Variants in CNTLN observed in about 807,000 individuals in gnomAD.
CNTLN encodes the protein centlein, centrosomal protein.
In CNTLN, 212 loss-of-function variants were observed where a neutral mutation model predicts 180.0. That is an observed-to-expected ratio of 1.18 (90% CI 1.05 to 1.32). The LOEUF (loss-of-function observed/expected upper bound fraction) is 1.32. CNTLN is among the 40% of genes most tolerant of loss of function. The pLI is 0.00. For synonymous variants in CNTLN, 722 were observed against 563.1 expected (o/e 1.28, Z -3.99); for missense variants, 2,095 against 1,610.9 (o/e 1.30, Z -5.14).
intron 2 of CNTLN, among the ~76,000 whole-genome samples, chr9:17,211,254 A>C (rs1179047877): frequency 6.6e-6 from 1 of 152,188 alleles, no homozygotes; most frequent in Non-Finnish European, 1.5e-5. Context: ...GAAGGGATCC[A>C]GTTTCAGCTT....
chr9:17,329,743 A>G (rs1415815127), intron 8 of CNTLN, among the ~76,000 whole-genome samples: 5 of 151,678 alleles, frequency 3.3e-5, no homozygotes, highest in Non-Finnish European at 7.4e-5. Context: ...TTTTTCTCAT[A>G]GTACTTAGGA....
intron 2 of CNTLN, among the ~76,000 whole-genome samples, chr9:17,172,625 G>T (rs930536239): frequency 6.6e-6 from 1 of 152,048 alleles, no homozygotes; most frequent in African/African-American, 2.4e-5. Context: ...ATTGTAAAAA[G>T]TTTTAATGCC....
At chr9:17,462,329 A>G (rs1831504542) in intron 19 of CNTLN, among the ~76,000 whole-genome samples, 1 of 151,780 alleles carries the variant, frequency 6.6e-6, no homozygotes. Context: ...CACATGATAC[A>G]TCAACTGTAT....
intron 20 of CNTLN, among the ~76,000 whole-genome samples, chr9:17,463,476 C>A (rs1318488714): frequency 6.6e-6 from 1 of 151,404 alleles, no homozygotes; most frequent in African/African-American, 2.4e-5. Flanking sequence ...ATGCTCTATC[C>A]CACTGAATCA....
At chr9:17,223,762 C>G (rs1244704545) in intron 2 of CNTLN, among the ~76,000 whole-genome samples, 8 of 152,040 alleles carry the variant, frequency 5.3e-5, no homozygotes, top group Non-Finnish European at 1.2e-4. Context: ...TATGTTATTT[C>G]TCTGCTCATT....
chr9:17,383,922 G>A (rs530931423), intron 13 of CNTLN, among the ~76,000 whole-genome samples: 1 of 152,142 alleles, frequency 6.6e-6, no homozygotes, highest in Non-Finnish European at 1.5e-5. Context: ...ACAGGCGTGA[G>A]CCACCTTGCC....
At chr9:17,334,163 T>C (rs1320627911) in intron 10 of CNTLN, among the ~76,000 whole-genome samples, 1 of 152,072 alleles carries the variant, frequency 6.6e-6, no homozygotes, top group African/African-American at 2.4e-5. Context: ...AGGTTCGAGC[T>C]ATTCTTCTGT....
intron 14 of CNTLN, 38 bp downstream of exon 14, chr9:17,388,291 A>T (rs1358401311): frequency 1.0e-5 from 14 of 1,344,876 alleles, no homozygotes; most frequent in Admixed American, 1.8e-5. Flanking sequence ...GAGCAAGTTA[A>T]ATCTGAATTT....
intron 12 of CNTLN, among the ~76,000 whole-genome samples, chr9:17,354,698 G>A (rs1160750603): frequency 1.3e-5 from 2 of 152,064 alleles, no homozygotes; most frequent in Non-Finnish European, 2.9e-5. Flanking sequence ...AGGCCACTTG[G>A]CTCTACCAAT....
intron 5 of CNTLN, among the ~76,000 whole-genome samples, chr9:17,255,751 A>G (rs936359362): frequency 6.6e-6 from 1 of 151,748 alleles, no homozygotes; most frequent in Non-Finnish European, 1.5e-5. Context: ...AATTCTTTAA[A>G]TTTTTGGTAG....
chr9:17,456,592 T>G (rs1441445675), intron 18 of CNTLN, among the ~76,000 whole-genome samples: 1 of 152,190 alleles, frequency 6.6e-6, no homozygotes, highest in African/African-American at 2.4e-5. Context: ...TACTGTACAC[T>G]TTAGCTACAT....
chr9:17,527,055 G>A, the CNTLN span, among the ~76,000 whole-genome samples: 1 of 152,046 alleles, frequency 6.6e-6, no homozygotes, highest in Non-Finnish European at 1.5e-5. Context: ...GCTATTTTCT[G>A]TATTTTTAGT....
intron 2 of CNTLN, among the ~76,000 whole-genome samples, chr9:17,181,160 C>T (rs926765474): frequency 6.6e-6 from 1 of 152,132 alleles, no homozygotes; most frequent in African/African-American, 2.4e-5. Flanking sequence ...TTCTCTTCTA[C>T]CTAGGCTCAG....
At chr9:17,164,994 C>T (rs1299300704) in intron 2 of CNTLN, among the ~76,000 whole-genome samples, 1 of 151,412 alleles carries the variant, frequency 6.6e-6, no homozygotes, top group South Asian at 2.1e-4. Context: ...TGCCATGATG[C>T]CCGGCTAATT....
At chr9:17,270,810 C>CT (rs1005436372) in intron 5 of CNTLN, among the ~76,000 whole-genome samples, 38 of 148,410 alleles carry the variant, frequency 2.6e-4, no homozygotes, top group African/African-American at 9.7e-4. Flanking sequence ...TCTATTTTTT[C>CT]TTTTTTTGAA....
chr9:17,189,370 C>T (rs1189833266), intron 2 of CNTLN, among the ~76,000 whole-genome samples: 2 of 151,832 alleles, frequency 1.3e-5, no homozygotes, highest in African/African-American at 2.4e-5. Flanking sequence ...GCCTGAACCA[C>T]CGTGCCCGGC....
At chr9:17,155,177 C>T (rs566108098) in intron 2 of CNTLN, among the ~76,000 whole-genome samples, 6 of 152,326 alleles carry the variant, frequency 3.9e-5, no homozygotes, top group African/African-American at 1.2e-4. Flanking sequence ...AAACTCTGGA[C>T]ACACCATCTT....
At chr9:17,265,481 A>C (rs933636805) in intron 5 of CNTLN, among the ~76,000 whole-genome samples, 8 of 149,036 alleles carry the variant, frequency 5.4e-5, no homozygotes, top group Non-Finnish European at 8.9e-5. Flanking sequence ...ATGTTCATCA[A>C]GGATATTGGT....
chr9:17,364,617 C>A (rs2133419288), intron 12 of CNTLN, among the ~76,000 whole-genome samples: 1 of 151,828 alleles, frequency 6.6e-6, no homozygotes, highest in African/African-American at 2.4e-5. Context: ...TTACATTATC[C>A]CATTTTGGGC....
Sources: allele counts gnomAD v4.1 joint callset (sites outside exome capture counted in the v4.1 genomes callset), GRCh38; gene constraint gnomAD v4.1.1; transcripts MANE v1.5; gene names NCBI Gene and HGNC (gene_info 2026-07-23, HGNC 2026-07-21).